The following ASZ1 variants were observed in gnomAD, a reference collection of about 807,000 sequenced individuals.
The protein encoded by ASZ1 is ankyrin repeat, SAM and basic leucine zipper domain-containing protein 1.
ASZ1 carries 67 observed loss-of-function variants against 61.8 expected under a neutral mutation model. The ratio of observed to expected loss-of-function variants is 1.08; its 90% CI spans 0.89 to 1.33. The LOEUF is 1.33. Among genes scored for constraint, ASZ1 ranks in the 40% most tolerant of loss-of-function variants. The pLI is 0.00. For missense variants in ASZ1, 577 were observed against 554.5 expected (o/e 1.04, Z -0.41); for synonymous variants, 193 against 192.7 (o/e 1.00, Z -0.01).
At chr7:117,368,316 G>A in intron 11 of ASZ1, 1 of 1,020,608 alleles carries the variant, frequency 9.8e-7, no homozygotes, top group Non-Finnish European at 1.2e-6. Context: ...ATTTTCACTT[G>A]GGTCTCCTGT....
At chr7:117,367,245 T>TA in intron 12 of ASZ1, 107 bp downstream of exon 12, 1 of 835,862 alleles carries the variant, frequency 1.2e-6, no homozygotes, top group Non-Finnish European at 1.6e-6. Flanking sequence ...CCCACTTGTC[T>TA]AAGTGTTCCA....
intron 3 of ASZ1, among the ~76,000 whole-genome samples, chr7:117,420,544 A>T (rs1423138676): frequency 6.6e-6 from 1 of 152,246 alleles, no homozygotes; most frequent in Non-Finnish European, 1.5e-5. Flanking sequence ...GGTTAAGGAC[A>T]TGGACACAGC....
chr7:117,380,015 A>C lies in ASZ1; in HGVS notation c.978T>G (p.Ile326Met), dbSNP rs762487543. ...NGITSKDQQK[I>M]LAALKELQVE... Reference sequence around the variant, plus strand: ...CCTGTAGTTCTTTAAGAGCAGCCAGAATTTTCTGCTGGTCTTTACTGGTAA... The same window carrying C: ...CCTGTAGTTCTTTAAGAGCAGCCAGCATTTTCTGCTGGTCTTTACTGGTAA... The change falls in exon 10 of 13, where the codon ATT (isoleucine) becomes ATG (methionine). Residue 326 changes from isoleucine (I) to methionine (M), a missense_variant. Physicochemically the swap from Ile to Met is conservative, Grantham distance 10. Transcript: ENST00000284629. The C allele has an allele frequency of 1.9e-6, 3 of 1,605,536 alleles. No homozygotes were observed. The African/African-American group carries it at 4.0e-5, about 21-fold the overall frequency.
intron 4 of ASZ1, among the ~76,000 whole-genome samples, chr7:117,386,882 C>T (rs1315582471): frequency 6.6e-6 from 1 of 151,936 alleles, no homozygotes; most frequent in Non-Finnish European, 1.5e-5. Flanking sequence ...AAATTATATG[C>T]TAAATCAGTT....
Position 117,384,761 on chromosome 7 carries a change from G to T in ASZ1, c.652C>A (p.Pro218Thr). ...TTGTTTCTTTTTGCAATCTCACTTG[G>T]CATCTTTCCATCTTTGGTTTGTAGC... ...KMLQTKDGKMPSEIAKRNKHH... is the reference protein window; with the variant it reads ...KMLQTKDGKMTSEIAKRNKHH... The change falls in exon 6 of 13, where the codon CCA becomes ACA. Residue 218 changes from proline to threonine, a missense_variant. Transcript: ENST00000284629. The T allele has an allele frequency of 6.2e-7, 1 of 1,612,140 alleles. No homozygotes were observed. Among genetic ancestry groups the T allele is most frequent in the Middle Eastern group, 1.7e-4 (1 of 6,040 alleles).
chr7:117,422,734 C>T (rs762614313), intron 2 of ASZ1, among the ~76,000 whole-genome samples: 4 of 152,114 alleles, frequency 2.6e-5, no homozygotes, highest in Non-Finnish European at 5.9e-5. Context: ...TATCAGTTAT[C>T]TCTATGGTTG....
intron 10 of ASZ1, among the ~76,000 whole-genome samples, chr7:117,370,657 C>A (rs1044154262): frequency 3.5e-4 from 53 of 151,948 alleles, no homozygotes; most frequent in African/African-American, 1.3e-3. Flanking sequence ...CCATAAGATG[C>A]CACATTCTAG....
chr7:117,364,148 C>T (rs1034373162), intron 12 of ASZ1, among the ~76,000 whole-genome samples: 6 of 152,224 alleles, frequency 3.9e-5, no homozygotes, highest in African/African-American at 1.4e-4. Context: ...TTATAGCAAA[C>T]CTAAAACATG....
In ASZ1 at chr7:117,422,314, A is replaced by G. The variant is rs369126647; in HGVS notation, c.251T>C (p.Met84Thr). 6.8e-6 allele frequency: 11 copies of G among 1,613,752 alleles called. No homozygotes were observed. The highest frequency in any genetic ancestry group is 4.0e-5 in the African/African-American group (3 of 74,924). Reference protein sequence around the residue: ...SNFQYGWTPLMYAASVANAEL... With the variant: ...SNFQYGWTPLTYAASVANAEL... ...TGCATTGGCAACACTAGCAGCATAC[A>G]TAAGGGGAGTCCATCCATACTGAAA... Residue 84 changes from methionine (M) to threonine (T), a missense_variant, in exon 3 of 13, where the codon ATG becomes ACG. Met to Thr is a moderately conservative substitution (Grantham distance 81). Transcript: ENST00000284629.
intron 2 of ASZ1, among the ~76,000 whole-genome samples, chr7:117,426,257 G>A (rs573113016): frequency 8.6e-5 from 13 of 151,542 alleles, no homozygotes; most frequent in Admixed American, 2.6e-4. Context: ...CGAGACAGGC[G>A]GATCACAAGG....
At chr7:117,420,771 C>T (rs1257348737) in intron 3 of ASZ1, among the ~76,000 whole-genome samples, 3 of 152,192 alleles carry the variant, frequency 2.0e-5, no homozygotes, top group Non-Finnish European at 4.4e-5. Flanking sequence ...TTTCTGAACT[C>T]ACTGTTTCCT....
intron 4 of ASZ1, among the ~76,000 whole-genome samples, chr7:117,394,853 T>C (rs1259516982): frequency 1.3e-5 from 2 of 152,254 alleles, no homozygotes; most frequent in Non-Finnish European, 2.9e-5. Context: ...TAATATTCAA[T>C]AGTTCCTTTT....
At chr7:117,424,252 C>T (rs964882130) in intron 2 of ASZ1, among the ~76,000 whole-genome samples, 1 of 152,148 alleles carries the variant, frequency 6.6e-6, no homozygotes, top group Non-Finnish European at 1.5e-5. Flanking sequence ...TTAAAAGTGG[C>T]TGACTCAAAA....
intron 4 of ASZ1, among the ~76,000 whole-genome samples, chr7:117,409,114 C>G (rs1796845651): frequency 6.6e-6 from 1 of 151,800 alleles, no homozygotes. Context: ...AATTACAAGA[C>G]TGTAGTTGCT....
chr7:117,403,881 G>A (rs538594303), intron 4 of ASZ1, among the ~76,000 whole-genome samples: 198 of 152,274 alleles, frequency 1.3e-3, no homozygotes, highest in African/African-American at 4.7e-3. Flanking sequence ...CAGATCAGTG[G>A]TGGCATTAGA....
At chr7:117,409,053 C>T (rs945463113) in intron 4 of ASZ1, among the ~76,000 whole-genome samples, 6 of 151,916 alleles carry the variant, frequency 3.9e-5, no homozygotes, top group Admixed American at 6.6e-5. Flanking sequence ...TACACACGCA[C>T]AGATGGATGA....
chr7:117,412,939 G>A (rs1246109253), intron 4 of ASZ1, among the ~76,000 whole-genome samples: 3 of 151,808 alleles, frequency 2.0e-5, no homozygotes, highest in Non-Finnish European at 4.4e-5. Context: ...ACTATGTCAA[G>A]TTTCAATTCA....
chr7:117,373,582 T>C (rs1796086972), intron 10 of ASZ1, among the ~76,000 whole-genome samples: 1 of 152,204 alleles, frequency 6.6e-6, no homozygotes, highest in African/African-American at 2.4e-5. Context: ...TTCTTATGAC[T>C]TAATGACTAA....
chr7:117,405,171 C>G (rs1292388640), intron 4 of ASZ1, among the ~76,000 whole-genome samples: 1 of 152,082 alleles, frequency 6.6e-6, no homozygotes, highest in Non-Finnish European at 1.5e-5. Context: ...CCATGGGGTC[C>G]CAGGACTTAG....
Sources: gnomAD v4.1 joint callset for allele counts (sites outside exome capture counted in the v4.1 genomes callset) on GRCh38, gnomAD v4.1.1 for gene constraint, MANE v1.5 for transcripts, NCBI Gene and HGNC (gene_info 2026-07-23, HGNC 2026-07-21) for gene names.